NDUFS3: variants seen among roughly 807,000 people sequenced by gnomAD.
NDUFS3 encodes the protein NADH:ubiquinone oxidoreductase core subunit S3, also known as NADH dehydrogenase [ubiquinone] iron-sulfur protein 3, mitochondrial.
Under a neutral mutation model 30.8 loss-of-function variants are expected in NDUFS3, and 19 were observed. That is an observed-to-expected ratio of 0.62 (90% confidence interval 0.43 to 0.91). NDUFS3 has a LOEUF of 0.91. Ranked by LOEUF, NDUFS3 falls within the 40% of genes least tolerant of loss-of-function variation. The pLI is 0.00. For missense variants in NDUFS3, 331 were observed against 342.0 expected (o/e 0.97, Z 0.25); for synonymous variants, 153 against 135.8 (o/e 1.13, Z -0.88).
At chr11:47,584,259 G>T in intron 6 of NDUFS3, 55 bp from the exon 7 acceptor site, 1 of 1,611,278 alleles carries the variant, frequency 6.2e-7, no homozygotes, top group Non-Finnish European at 8.5e-7. Flanking sequence ...GTAGGCTCCT[G>T]TGTAGCTATA....
rs1339225666 is a variant in NDUFS3 at position 47,582,348 on chromosome 11, G to T, written c.508-1G>T. The T allele has an allele frequency of 6.2e-7, 1 of 1,614,238 alleles. No homozygotes were observed. Among genetic ancestry groups the T allele is most frequent in the Non-Finnish European group, 8.5e-7 (1 of 1,180,048 alleles). On this transcript the variant is annotated splice_acceptor_variant, in intron 5 of 6. Transcript: ENST00000263774. LOFTEE classifies it high-confidence loss of function. ...GCTGTTTGAGGTGGTCTCTTTCCTA[G>T]ATCTGGGACATGTTTGGAGTCTTCT...
rs760008502 is a variant in NDUFS3 at position 47,584,433 on chromosome 11, G to GGA, written c.751_752dup (p.Ser251ArgfsTer37). 24 of 1,613,930 alleles carry GGA rather than the reference G, an allele frequency of 1.5e-5. No individual in the cohort carries two copies. Among genetic ancestry groups the GGA allele is most frequent in the Non-Finnish European group, 1.9e-5 (23 of 1,180,024 alleles). ...CTTTCCCAGTCTATCGCCAACCCCC[G>GGA]GAGAGTCTCAAGCTTGAAGCCGGAG... On this transcript the variant is annotated frameshift_variant, in exon 7 of 7. Transcript: ENST00000263774. LOFTEE classifies it high-confidence loss of function.
At chr11:47,580,125 C>G (rs1054106174) in intron 2 of NDUFS3, among the ~76,000 whole-genome samples, 1 of 151,880 alleles carries the variant, frequency 6.6e-6, no homozygotes, top group African/African-American at 2.4e-5. Flanking sequence ...AAGTTCTTAG[C>G]TTGAGAACCT....
Position 47,579,312 on chromosome 11 carries a change from G to C in NDUFS3, c.111G>C (p.Glu37Asp), listed in dbSNP as rs771263818. 1 of 1,614,054 alleles carries C rather than the reference G, an allele frequency of 6.2e-7. No homozygotes were observed. The highest frequency in any genetic ancestry group is 2.2e-5 in the East Asian group (1 of 44,890). ...PSVLLLPVRRESAGADTRPTV... is the reference protein window; with the variant it reads ...PSVLLLPVRRDSAGADTRPTV... ...TTCTGTTGCTGCCGGTGAGGCGGGAGAGCGCCGGGGCCGACACGCGCCGTG... is the reference window on the plus strand; with the variant it reads ...TTCTGTTGCTGCCGGTGAGGCGGGACAGCGCCGGGGCCGACACGCGCCGTG... The change falls in exon 2 of 7, where the codon GAG (glutamate) becomes GAC (aspartate). Residue 37 changes from glutamate to aspartate, a missense_variant. Transcript: ENST00000263774.
At chr11:47,581,814 G>A (rs1227430674) in intron 4 of NDUFS3, 10 of 463,634 alleles carry the variant, frequency 2.2e-5, no homozygotes, top group South Asian at 1.6e-4. Context: ...TTTGAAAAGA[G>A]AGAATGTTTG....
At chr11:47,581,107 G>T (rs970978960) in intron 4 of NDUFS3, 123 bp downstream of exon 4, 4 of 1,233,990 alleles carry the variant, frequency 3.2e-6, no homozygotes, top group Non-Finnish European at 4.7e-6. Flanking sequence ...TTGGATCTTG[G>T]TTCTGCCACT....
rs183313393 is a variant in NDUFS3 at position 47,579,713 on chromosome 11, T to C, written c.133+379T>C. The C allele has an allele frequency of 1.1e-3, 426 of 389,634 alleles. 3 individuals carry two copies. Among genetic ancestry groups the C allele is most frequent in the Non-Finnish European group, 2.8e-4 (58 of 208,390 alleles). 24.1% of individuals were successfully genotyped at this position (389,634 alleles called of 1,614,324 possible). A position where few individuals can be genotyped will look rare whatever the true frequency, so the allele number is the denominator to read the frequency against. On this transcript the variant is annotated intron_variant, in intron 2 of 6. Transcript: ENST00000263774. The stretch of plus-strand genomic sequence containing the variant: ...TTATTTCGTCCTCACAACAGCCTTA[T>C]GGGGTAGATAGCATCTTACTCTTCT...
chr11:47,584,294 C>G lies in NDUFS3; in HGVS notation c.628-20C>G. 6.2e-7 allele frequency: 1 copy of G among 1,613,900 alleles called. No homozygotes were observed. Among genetic ancestry groups the G allele is most frequent in the Non-Finnish European group, 8.5e-7 (1 of 1,180,006 alleles). ...AATAAGGACTTCCTTAGTGCTCAAGCCTGCCTTTTGCTCCTGCAGTTACGT... is the reference window on the plus strand; with the variant it reads ...AATAAGGACTTCCTTAGTGCTCAAGGCTGCCTTTTGCTCCTGCAGTTACGT... On this transcript the variant is annotated intron_variant, in intron 6 of 6. Coordinates refer to ENST00000263774, the MANE Select transcript of NDUFS3 (RefSeq NM_004551.3).
At chr11:47,581,014 G>T in intron 4 of NDUFS3, 30 bp downstream of exon 4, 3 of 1,613,948 alleles carry the variant, frequency 1.9e-6, no homozygotes, top group South Asian at 2.2e-5. Context: ...AAGGTTTTGG[G>T]GGTAAGGATA....
Position 47,579,093 on chromosome 11 carries a change from T to TGGC in NDUFS3, c.14_16dup (p.Ala5dup), listed in dbSNP as rs746926923. 8.9e-6 allele frequency: 14 copies of TGGC among 1,567,060 alleles called. No individual in the cohort carries two copies. The highest frequency in any genetic ancestry group is 1.7e-4 in the Middle Eastern group (1 of 6,028). ...CTGCCTAGTCTGCATCTGAGTAACATGGCGGCGGCGGCGGTAGCCAGGCTG... is the reference window on the plus strand; with the variant it reads ...CTGCCTAGTCTGCATCTGAGTAACATGGCGGCGGCGGCGGCGGTAGCCAGGCTG... On this transcript the variant is annotated inframe_insertion, in exon 1 of 7. Coordinates refer to ENST00000263774, the MANE Select transcript of NDUFS3 (RefSeq NM_004551.3).
rs755115327 is a variant in NDUFS3 at position 47,582,228 on chromosome 11, A to G, written c.507+15A>G. The stretch of plus-strand genomic sequence containing the variant: ...ATGAAAGGGAGGTGAGTTACCGGAT[A>G]TGGTGGACCTGCCTCTGGGCCACAG... On this transcript the variant is annotated intron_variant, in intron 5 of 6. Coordinates refer to ENST00000263774, the MANE Select transcript of NDUFS3 (RefSeq NM_004551.3). 27 of 1,614,106 alleles carry G rather than the reference A, an allele frequency of 1.7e-5. No individual in the cohort carries two copies. The highest frequency in any genetic ancestry group is 2.2e-5 in the Non-Finnish European group (26 of 1,180,054).
rs1275609630 is a variant in NDUFS3 at position 47,582,179 on chromosome 11, CTG to C, written c.477_478del (p.Phe160GlnfsTer7). On this transcript the variant is annotated frameshift_variant, in exon 5 of 7. Transcript: ENST00000263774. LOFTEE classifies it high-confidence loss of function. Reference sequence around the variant, plus strand: ...CTGACGCCCATTGAGTCTGCTGTCTCTGTGTTCAAGGCAGCCAACTGGTATGA... The same window carrying C: ...CTGACGCCCATTGAGTCTGCTGTCTCTGTTCAAGGCAGCCAACTGGTATGA... 6.2e-7 allele frequency: 1 copy of C among 1,614,196 alleles called. No homozygotes were observed. Among genetic ancestry groups the C allele is most frequent in the Admixed American group, 1.7e-5 (1 of 60,020 alleles).
In NDUFS3 at chr11:47,580,982, G is replaced by A; in HGVS notation, c.379G>A (p.Glu127Lys). The change falls in exon 4 of 7, where the codon GAG (glutamate) becomes AAG (lysine). Residue 127 changes from glutamate to lysine, a missense_variant and splice_region_variant. By Grantham distance (56) the Glu-to-Lys change is moderately conservative. Coordinates refer to ENST00000263774, the MANE Select transcript of NDUFS3 (RefSeq NM_004551.3). ...VDVPTRQNRF[E>K]IVYNLLSLRF... The stretch of plus-strand genomic sequence containing the variant: ...CGTCCCAACTCGGCAAAACCGTTTT[G>A]AGGTCAGTTGGGAGATCTGAGAAGG... 1 of 1,614,184 alleles carries A rather than the reference G, an allele frequency of 6.2e-7. No individual in the cohort carries two copies. The highest frequency in any genetic ancestry group is 8.5e-7 in the Non-Finnish European group (1 of 1,180,038).
At chr11:47,580,052 GACAC>G (rs5791768) in intron 2 of NDUFS3, among the ~76,000 whole-genome samples, 10 of 147,168 alleles carry the variant, frequency 6.8e-5, no homozygotes, top group Non-Finnish European at 1.3e-4. Context: ...TTTTCTCATT[GACAC>G]ACACACACAC....
chr11:47,581,110 CTGCCACTA>C lies in NDUFS3; in HGVS notation c.381+127_381+134del, dbSNP rs2097268615. The C allele has an allele frequency of 3.3e-6, 4 of 1,214,214 alleles. No homozygotes were observed. In the African/African-American group the frequency reaches 6.0e-5, roughly 18 times the overall value. The allele number at this position is 1,214,214 out of a possible 1,614,324, so 75.2% of individuals were successfully genotyped here. On this transcript the variant is annotated intron_variant, in intron 4 of 6. Coordinates refer to ENST00000263774, the MANE Select transcript of NDUFS3 (RefSeq NM_004551.3). ...GTAGATCTGAAGTTGGATCTTGGTT[CTGCCACTA>C]AATGGCTGTGGGACCTCAGATAACT...
chr11:47,581,147 A>G, intron 4 of NDUFS3, 163 bp downstream of exon 4: 1 of 822,378 alleles, frequency 1.2e-6, no homozygotes, highest in South Asian at 1.6e-5. Context: ...GATAACTCAA[A>G]TATTTTGTTT....
intron 6 of NDUFS3, among the ~76,000 whole-genome samples, chr11:47,582,690 A>G (rs1470253950): frequency 1.3e-5 from 2 of 152,318 alleles, no homozygotes; most frequent in East Asian, 3.9e-4. Context: ...ATAGCACTTT[A>G]ATAGATTTGT....
rs764953797 is a variant in NDUFS3, at chr11:47,579,354, G to T, written c.133+20G>T. ...CGCGCCGTGAGTATGTGCGGGCAGC[G>T]CTCTTCTCTGAACTATCGGCGGGGC... On this transcript the variant is annotated intron_variant, in intron 2 of 6. Transcript: ENST00000263774. 2 of 1,612,942 alleles carry T rather than the reference G, an allele frequency of 1.2e-6. No individual in the cohort carries two copies. Among genetic ancestry groups the T allele is most frequent in the African/African-American group, 1.3e-5 (1 of 75,074 alleles).
intron 6 of NDUFS3, among the ~76,000 whole-genome samples, chr11:47,583,239 C>T (rs767415916): frequency 2.0e-5 from 3 of 151,992 alleles, no homozygotes; most frequent in South Asian, 2.1e-4. Context: ...TTTGTAGAGA[C>T]GGGGTTTCTC....
Sources: gnomAD v4.1 joint callset for allele counts (sites outside exome capture counted in the v4.1 genomes callset) on GRCh38, gnomAD v4.1.1 for gene constraint, MANE v1.5 for transcripts, NCBI Gene and HGNC (gene_info 2026-07-23, HGNC 2026-07-21) for gene names.